CNBD1: variants seen among roughly 807,000 people sequenced by gnomAD.
CNBD1 encodes the protein cyclic nucleotide binding domain containing 1.
CNBD1 carries 71 observed loss-of-function variants against 54.4 expected under a neutral mutation model. The observed-to-expected ratio is 1.30, with a 90% CI of 1.08 to 1.59. The LOEUF is 1.59. Among genes scored for constraint, CNBD1 ranks in the 40% most tolerant of loss-of-function variants. CNBD1 has a pLI of 0.00. For missense variants in CNBD1, 659 were observed against 518.0 expected, an observed-to-expected ratio of 1.27 and a Z score of -2.64; for synonymous variants, 182 against 170.7, an observed-to-expected ratio of 1.07 and a Z score of -0.51.
chr8:87,049,752 T>A (rs2130621927), intron 4 of CNBD1, among the ~76,000 whole-genome samples: 2 of 152,270 alleles, frequency 1.3e-5, no homozygotes, highest in Middle Eastern at 6.8e-3. Flanking sequence ...AGGTTTGATA[T>A]TTGAGGAGGT....
At chr8:87,396,843 C>A (rs1325097991) in intron 2 of CNBD1, among the ~76,000 whole-genome samples, 2 of 149,868 alleles carry the variant, frequency 1.3e-5, no homozygotes, top group Non-Finnish European at 3.0e-5. Context: ...TTCCCCTTCC[C>A]TCTTTGTGAC....
intron 4 of CNBD1, among the ~76,000 whole-genome samples, chr8:87,188,202 C>T (rs890311667): frequency 2.0e-5 from 3 of 152,108 alleles, no homozygotes; most frequent in African/African-American, 7.2e-5. Context: ...GAAACATTTG[C>T]GAATGTCTCT....
At chr8:87,258,813 C>G (rs1390676866) in intron 6 of CNBD1, among the ~76,000 whole-genome samples, 1 of 152,066 alleles carries the variant, frequency 6.6e-6, no homozygotes, top group African/African-American at 2.4e-5. Context: ...TTTAAGAAAA[C>G]CCTGTTGTGC....
chr8:86,933,054 T>G (rs1326527986), intron 3 of CNBD1, among the ~76,000 whole-genome samples: 2 of 151,844 alleles, frequency 1.3e-5, no homozygotes, highest in African/African-American at 4.8e-5. Flanking sequence ...AAGGTCGGAG[T>G]GGAGGGCCAT....
chr8:87,268,944 A>C (rs1025757866), intron 6 of CNBD1, among the ~76,000 whole-genome samples: 5 of 151,872 alleles, frequency 3.3e-5, no homozygotes, highest in Admixed American at 6.6e-5. Flanking sequence ...CTACTTGTCA[A>C]GTTTTGTTTT....
At chr8:87,020,524 AT>A (rs201232837) in intron 4 of CNBD1, among the ~76,000 whole-genome samples, 2 of 151,736 alleles carry the variant, frequency 1.3e-5, no homozygotes, top group African/African-American at 2.4e-5. Flanking sequence ...CTAAGCTCTT[AT>A]TTTTTTTATC....
intron 6 of CNBD1, among the ~76,000 whole-genome samples, chr8:87,265,254 G>A (rs937708248): frequency 5.9e-5 from 9 of 152,034 alleles, no homozygotes; most frequent in Admixed American, 2.0e-4. Context: ...TTATTAAATA[G>A]GGAATCCTTT....
intron 8 of CNBD1, among the ~76,000 whole-genome samples, chr8:87,316,232 A>G (rs1212598301): frequency 6.6e-6 from 1 of 152,046 alleles, no homozygotes; most frequent in Non-Finnish European, 1.5e-5. Context: ...AATGACTCTT[A>G]CCAACGAATA....
At chr8:87,318,585 G>C (rs980937083) in intron 8 of CNBD1, among the ~76,000 whole-genome samples, 3 of 151,954 alleles carry the variant, frequency 2.0e-5, no homozygotes, top group African/African-American at 7.2e-5. Flanking sequence ...TCACATGCAA[G>C]GATGCTCACC....
At chr8:86,931,579 G>T (rs1465404726) in intron 3 of CNBD1, among the ~76,000 whole-genome samples, 1 of 152,092 alleles carries the variant, frequency 6.6e-6, no homozygotes, top group Non-Finnish European at 1.5e-5. Context: ...AGGTTTGTTT[G>T]TCTGAGGGCC....
chr8:87,015,801 T>C (rs900924657), intron 4 of CNBD1, among the ~76,000 whole-genome samples: 3 of 151,792 alleles, frequency 2.0e-5, no homozygotes, highest in African/African-American at 7.3e-5. Context: ...ACCAACATGG[T>C]GAAACCCCAT....
At chr8:87,185,585 G>C (rs1457134048) in intron 4 of CNBD1, among the ~76,000 whole-genome samples, 2 of 152,058 alleles carry the variant, frequency 1.3e-5, no homozygotes, top group African/African-American at 2.4e-5. Flanking sequence ...CTCATATGTG[G>C]TCTATCCTAT....
chr8:87,284,317 C>G (rs1808651495), intron 6 of CNBD1, among the ~76,000 whole-genome samples: 1 of 151,896 alleles, frequency 6.6e-6, no homozygotes. Context: ...TGAATACTAC[C>G]AACATGTGAT....
rs150653839 is a variant in CNBD1 at position 86,924,151 on chromosome 8, A to G, written c.273-15445A>G. On this transcript the variant is annotated intron_variant, in intron 3 of 10. Transcript: ENST00000518476. ...TTAGATGCCCCATTCATTACTTAGC[A>G]CTATGGGACTAAAATCTACTTGAGA... Among the ~76,000 whole-genome samples, 19 of 152,316 alleles carry G rather than the reference A, an allele frequency of 1.2e-4. 1 individual carries two copies. Among genetic ancestry groups the G allele is most frequent in the African/African-American group, 4.6e-4 (19 of 41,582 alleles).
chr8:86,894,753 C>T (rs1044974938), intron 2 of CNBD1, among the ~76,000 whole-genome samples: 1 of 152,068 alleles, frequency 6.6e-6, no homozygotes, highest in African/African-American at 2.4e-5. Context: ...CATAATTTTG[C>T]CTTTTTTAGA....
chr8:87,323,977 A>T (rs1356076910), intron 8 of CNBD1, among the ~76,000 whole-genome samples: 1 of 136,804 alleles, frequency 7.3e-6, no homozygotes, highest in Non-Finnish European at 1.6e-5. Context: ...AATACGTCCC[A>T]TCAATACCTA....
At chr8:87,027,573 C>A (rs1809677410) in intron 4 of CNBD1, among the ~76,000 whole-genome samples, 5 of 152,134 alleles carry the variant, frequency 3.3e-5, no homozygotes. Context: ...CCTGGCCTGG[C>A]AGTTTGATTT....
chr8:87,340,063 C>T lies in CNBD1; in HGVS notation c.1043-11622C>T, dbSNP rs148867886. 2.5e-3 allele frequency among the ~76,000 whole-genome samples: 381 copies of T among 152,226 alleles called. 5 individuals are homozygous for T. Among genetic ancestry groups the T allele is most frequent in the African/African-American group, 8.8e-3 (364 of 41,548 alleles). ...AAGGACTCCCTTTAGCATGTTTTGC[C>T]TAAGGCAGGTCTAGTTATAATAACC... On this transcript the variant is annotated intron_variant, in intron 8 of 10. Coordinates refer to ENST00000518476, the MANE Select transcript of CNBD1 (RefSeq NM_173538.3).
chr8:87,405,713 G>A (rs1024236876), intron 2 of CNBD1, among the ~76,000 whole-genome samples: 1 of 152,086 alleles, frequency 6.6e-6, no homozygotes, highest in Non-Finnish European at 1.5e-5. Flanking sequence ...CCTAGGATAT[G>A]AGCATTTCTT....
Sources: allele counts gnomAD v4.1 joint callset (sites outside exome capture counted in the v4.1 genomes callset), GRCh38; gene constraint gnomAD v4.1.1; transcripts MANE v1.5; gene names NCBI Gene and HGNC (gene_info 2026-07-23, HGNC 2026-07-21).